The following PCDHA8 variants were observed in gnomAD, a reference collection of about 807,000 sequenced individuals.
PCDHA8 encodes protocadherin alpha 8, also known as protocadherin alpha-8.
In PCDHA8, 53 loss-of-function variants were observed where a neutral mutation model predicts 61.8. The ratio of observed to expected loss-of-function variants is 0.86; its 90% confidence interval spans 0.69 to 1.08. The LOEUF (loss-of-function observed/expected upper bound fraction) is 1.08. Among genes scored for constraint, PCDHA8 ranks in the 50% least tolerant of loss-of-function variants. PCDHA8 has a pLI of 0.00. For missense variants in PCDHA8, 1,293 were observed against 1,245.0 expected (o/e 1.04, Z -0.58); for synonymous variants, 618 against 556.6 (o/e 1.11, Z -1.55).
intron 1 of PCDHA8, among the ~76,000 whole-genome samples, chr5:140,917,726 G>A (rs1192405804): frequency 6.6e-6 from 1 of 152,114 alleles, no homozygotes; most frequent in Admixed American, 6.6e-5. Flanking sequence ...TTATTTCTGG[G>A]TTCTCTAACC....
intron 1 of PCDHA8, chr5:140,850,070 C>G: frequency 6.3e-7 from 1 of 1,596,564 alleles, no homozygotes; most frequent in Non-Finnish European, 8.6e-7. Context: ...CGTTGGACCA[C>G]GAGGAGCTGG....
chr5:140,968,371 C>T (rs1554230646), intron 1 of PCDHA8: 3 of 1,614,088 alleles, frequency 1.9e-6, no homozygotes, highest in Non-Finnish European at 2.5e-6. Context: ...ATGCTGTCAA[C>T]TCCTTTGACT....
At chr5:140,926,850 G>A (rs375350613) in intron 1 of PCDHA8, 3 of 1,517,570 alleles carry the variant, frequency 2.0e-6, no homozygotes, top group African/African-American at 2.8e-5. Flanking sequence ...CTGGGTCACC[G>A]TTGGTGTAGC....
intron 1 of PCDHA8, chr5:140,969,344 T>G: frequency 6.2e-7 from 1 of 1,613,664 alleles, no homozygotes; most frequent in Non-Finnish European, 8.5e-7. Context: ...GAGACAGTGG[T>G]CAGGGGGTCT....
At chr5:140,975,236 T>A (rs562846037) in intron 1 of PCDHA8, among the ~76,000 whole-genome samples, 84 of 152,334 alleles carry the variant, frequency 5.5e-4, no homozygotes, top group African/African-American at 1.9e-3. Context: ...TCACATGGAA[T>A]CCCTCTTATG....
intron 3 of PCDHA8, among the ~76,000 whole-genome samples, chr5:140,996,953 TCCCTCAATC>T (rs1554255576): frequency 6.6e-6 from 1 of 152,202 alleles, no homozygotes; most frequent in Non-Finnish European, 1.5e-5. Flanking sequence ...AATATTTATT[TCCCTCAATC>T]CCACTCCCCT....
At chr5:140,885,917 T>G (rs2060772831) in intron 1 of PCDHA8, among the ~76,000 whole-genome samples, 1 of 152,212 alleles carries the variant, frequency 6.6e-6, no homozygotes, top group Non-Finnish European at 1.5e-5. Flanking sequence ...TTATAGATAT[T>G]AACTGTTTAT....
intron 1 of PCDHA8, chr5:140,855,906 C>G (rs1442009275): frequency 3.5e-6 from 4 of 1,137,256 alleles, no homozygotes; most frequent in Non-Finnish European, 3.7e-6. Context: ...CAGCCAGTTT[C>G]TCAAGGACTA....
intron 1 of PCDHA8, among the ~76,000 whole-genome samples, chr5:140,874,790 A>C (rs2055107111): frequency 6.6e-6 from 1 of 152,254 alleles, no homozygotes; most frequent in East Asian, 1.9e-4. Context: ...TCTAACTTTC[A>C]TCAGATTTAT....
rs143298646 is a variant in PCDHA8 at position 140,846,200 on chromosome 5, T to A, written c.2394+2485T>A. ...TAGGCGTTTGAGTTCTTTGTATGTA[T>A]GAGATCTTTCCATTAATAGTATTTT... On this transcript the variant is annotated intron_variant, in intron 1 of 3. Coordinates refer to ENST00000531613, the MANE Select transcript of PCDHA8 (RefSeq NM_018911.3). Among the ~76,000 whole-genome samples, 321 of 149,672 alleles carry A rather than the reference T, an allele frequency of 2.1e-3. 23 individuals carry two copies. The highest frequency in any genetic ancestry group is 7.4e-3 in the African/African-American group (305 of 40,998).
At chr5:140,882,174 C>A (rs868925922) in intron 1 of PCDHA8, 1 of 1,514,752 alleles carries the variant, frequency 6.6e-7, no homozygotes, top group Non-Finnish European at 8.8e-7. Flanking sequence ...CGAATCCTTC[C>A]GCACTAGGAA....
intron 3 of PCDHA8, among the ~76,000 whole-genome samples, chr5:140,995,470 T>C (rs543327839): frequency 5.6e-4 from 86 of 152,360 alleles, no homozygotes; most frequent in Middle Eastern, 3.4e-3. Flanking sequence ...TTGAAATTTT[T>C]CATTTAATAT....
chr5:140,980,981 A>G (rs1255751936), intron 2 of PCDHA8, among the ~76,000 whole-genome samples: 1 of 152,188 alleles, frequency 6.6e-6, no homozygotes, highest in Non-Finnish European at 1.5e-5. Context: ...GACTGAGCCC[A>G]CACAATTTGC....
chr5:140,873,097 A>G (rs578070341), intron 1 of PCDHA8, among the ~76,000 whole-genome samples: 173 of 152,330 alleles, frequency 1.1e-3, no homozygotes, highest in African/African-American at 4.0e-3. Context: ...GTATAGAGGC[A>G]TAACATACCA....
chr5:140,997,107 C>T (rs1346636277), intron 3 of PCDHA8, among the ~76,000 whole-genome samples: 3 of 152,094 alleles, frequency 2.0e-5, no homozygotes, highest in African/African-American at 7.2e-5. Flanking sequence ...TCATGCACTC[C>T]TGCTCTCCCA....
At chr5:140,866,827 AT>A (rs1488157876) in intron 1 of PCDHA8, 1 of 152,132 alleles carries the variant, frequency 6.6e-6, no homozygotes, top group Non-Finnish European at 1.5e-5. Context: ...TCTTCAATTG[AT>A]TTTACAAAAT....
chr5:140,856,683 C>T, intron 1 of PCDHA8: 1 of 1,597,480 alleles, frequency 6.3e-7, no homozygotes, highest in Non-Finnish European at 8.6e-7. Context: ...TTGTTGTTGA[C>T]AGCAACTGAT....
At chr5:140,975,486 A>G (rs1260336572) in intron 1 of PCDHA8, among the ~76,000 whole-genome samples, 4 of 152,228 alleles carry the variant, frequency 2.6e-5, no homozygotes, top group African/African-American at 4.8e-5. Flanking sequence ...GTTTATATCA[A>G]TGTTCATAAA....
At chr5:140,900,295 TTTA>T (rs1335445889) in intron 1 of PCDHA8, among the ~76,000 whole-genome samples, 3 of 152,152 alleles carry the variant, frequency 2.0e-5, no homozygotes, top group Non-Finnish European at 4.4e-5. Context: ...TTTCTGTTTT[TTTA>T]GACAGTCTCA....
Sources: gnomAD v4.1 joint callset for allele counts (sites outside exome capture counted in the v4.1 genomes callset) on GRCh38, gnomAD v4.1.1 for gene constraint, MANE v1.5 for transcripts, NCBI Gene and HGNC (gene_info 2026-07-23, HGNC 2026-07-21) for gene names.